Variants in CHMP4A observed in about 807,000 individuals in gnomAD.
The protein encoded by CHMP4A is SNF7 homolog associated with Alix-2.
In CHMP4A, 29 loss-of-function variants were observed where a neutral mutation model predicts 28.2. The ratio of observed to expected loss-of-function variants is 1.03; its 90% CI spans 0.77 to 1.40. The LOEUF is 1.40. Ranked by LOEUF, CHMP4A falls within the 40% of genes most tolerant of loss-of-function variation. CHMP4A has a pLI of 0.00. For missense variants in CHMP4A, 241 were observed against 263.5 expected (o/e 0.91, Z 0.59); for synonymous variants, 88 against 99.3 (o/e 0.89, Z 0.67).
Position 24,210,412 on chromosome 14 carries a change from G to A in CHMP4A, c.546C>T (p.Asp182=), listed in dbSNP as rs970670997. The change falls in exon 5 of 6, where the codon GAC becomes GAT. Residue 182 remains aspartate (D), a synonymous_variant. Transcript: ENST00000347519. ...ATTTGACTGAGGGTTCTTCTTCCTT[G>A]TCGCCCACATTTAACAACTCCTGGG... is the stretch of plus-strand genomic sequence containing the variant. ...ELAQELLNVG[D]KEEEPSVKLP... The A allele has an allele frequency of 1.2e-6, 2 of 1,613,966 alleles. No individual in the cohort carries two copies. The highest frequency in any genetic ancestry group is 2.7e-5 in the African/African-American group (2 of 74,886).
At chr14:24,212,649 G>GAACCCA (rs2039604558) in intron 1 of CHMP4A, 1 of 357,398 alleles carries the variant, frequency 2.8e-6, no homozygotes. Context: ...CCGCCTCCTG[G>GAACCCA]GTTCAAGCGA....
At chr14:24,212,377 G>A (rs1214825875) in intron 1 of CHMP4A, among the ~76,000 whole-genome samples, 1 of 151,778 alleles carries the variant, frequency 6.6e-6, no homozygotes, top group African/African-American at 2.4e-5. Context: ...TTACAGGCAT[G>A]AGCCACCGCG....
intron 3 of CHMP4A, chr14:24,211,163 G>T (rs1038508952): frequency 4.4e-6 from 2 of 451,328 alleles, no homozygotes; most frequent in African/African-American, 3.9e-5. Flanking sequence ...CAGCCTGGGC[G>T]ACAGAGCAAG....
intron 3 of CHMP4A, 22 bp downstream of exon 3, chr14:24,211,393 C>T (rs900347922): frequency 6.3e-7 from 1 of 1,582,990 alleles, no homozygotes; most frequent in Non-Finnish European, 8.6e-7. Context: ...TGGGTCCCCT[C>T]CACCCCTCCC....
chr14:24,213,316 C>T, intron 1 of CHMP4A, 93 bp downstream of exon 1: 2 of 1,391,744 alleles, frequency 1.4e-6, no homozygotes, highest in Non-Finnish European at 9.4e-7. Flanking sequence ...TCTTCCCCTG[C>T]CCGGCGCAGC....
rs371924940 is a variant in CHMP4A, at chr14:24,213,394, C to T, written c.31+15G>A. 7 of 1,587,302 alleles carry T rather than the reference C, an allele frequency of 4.4e-6. No individual in the cohort carries two copies. The African/African-American group carries it at 8.1e-5, about 18-fold the overall frequency. On this transcript the variant is annotated intron_variant, in intron 1 of 5. Coordinates refer to ENST00000347519, the MANE Select transcript of CHMP4A (RefSeq NM_014169.5). The stretch of plus-strand genomic sequence containing the variant: ...AGCCAGCGCCTCCTGGCTGGCCAGT[C>T]CCACCCTGGCTCACCCTTCCCGAAG...
chr14:24,212,385 G>A (rs1008379549), intron 1 of CHMP4A, among the ~76,000 whole-genome samples: 18 of 151,842 alleles, frequency 1.2e-4, no homozygotes, highest in Non-Finnish European at 2.2e-4. Flanking sequence ...ATGAGCCACC[G>A]CGCCAGGACT....
In CHMP4A at chr14:24,211,407, G is replaced by A. The variant is rs377515704; in HGVS notation, c.359+8C>T. 130 of 1,589,222 alleles carry A rather than the reference G, an allele frequency of 8.2e-5. No homozygotes were observed. Among genetic ancestry groups the A allele is most frequent in the South Asian group, 2.1e-4 (19 of 90,052 alleles). On this transcript the variant is annotated splice_region_variant and intron_variant, in intron 3 of 5. Coordinates refer to ENST00000347519, the MANE Select transcript of CHMP4A (RefSeq NM_014169.5). ...CTGGGTCCCCTCCACCCCTCCCCCC[G>A]TACCCACATGTCCTGGTAGGCCTTC... is the stretch of plus-strand genomic sequence containing the variant.
chr14:24,209,995 C>T lies in CHMP4A; in HGVS notation c.611-60G>A, dbSNP rs2039576524. Reference sequence around the variant, plus strand: ...AGAAGCAGTAAGGTCTCAGCAACTCCAACCATCCCCTGCTATGACATTCAG... The same window carrying T: ...AGAAGCAGTAAGGTCTCAGCAACTCTAACCATCCCCTGCTATGACATTCAG... On this transcript the variant is annotated intron_variant, in intron 5 of 5. Transcript: ENST00000347519. The T allele has an allele frequency of 1.3e-5, 18 of 1,418,452 alleles. 1 individual carries two copies. In the South Asian group the frequency reaches 2.0e-4, roughly 15 times the overall value. 87.9% of individuals were successfully genotyped at this position (1,418,452 alleles called of 1,614,324 possible). A position where few individuals can be genotyped will look rare whatever the true frequency, so the allele number is the denominator to read the frequency against.
In CHMP4A at chr14:24,211,491, T is replaced by A; in HGVS notation, c.283A>T (p.Asn95Tyr). ...TLEFQREAIENATTNAEVLRT... is the reference protein window; with the variant it reads ...TLEFQREAIEYATTNAEVLRT... ...AGGACTTCTGCATTGGTAGTGGCAT[T>A]CTCAATGGCCTCACGCTGAAACTCC... Residue 95 changes from asparagine to tyrosine, a missense_variant, in exon 3 of 6, where the codon AAT becomes TAT. Asn to Tyr is a moderately radical substitution (Grantham distance 143, BLOSUM62 -2). Transcript: ENST00000347519. 1 of 1,614,106 alleles carries A rather than the reference T, an allele frequency of 6.2e-7. No homozygotes were observed. Among genetic ancestry groups the A allele is most frequent in the South Asian group, 1.1e-5 (1 of 91,078 alleles).
At position 24,210,685 on chromosome 14, in the gene CHMP4A, C is replaced by A. The variant is rs151089933; in HGVS notation, c.443G>T (p.Arg148Leu). Residue 148 changes from arginine (R) to leucine (L), a missense_variant, in exon 4 of 6, where the codon CGG (arginine) becomes CTG (leucine). Transcript: ENST00000347519. ...CACATCATCTCCAAAGCCCATAGGC[C>A]GAGAAATGGCATCTGAGATCTGCTG... is the stretch of plus-strand genomic sequence containing the variant. Reference protein sequence around the residue: ...VAQQISDAISRPMGFGDDVDE... With the variant: ...VAQQISDAISLPMGFGDDVDE... The A allele has an allele frequency of 6.2e-7, 1 of 1,613,916 alleles. No individual in the cohort carries two copies. Among genetic ancestry groups the A allele is most frequent in the Non-Finnish European group, 8.5e-7 (1 of 1,179,944 alleles).
At position 24,213,276 on chromosome 14, in the gene CHMP4A, G is replaced by A. The variant is rs2039613827; in HGVS notation, c.31+133C>T. The A allele has an allele frequency of 2.6e-6, 3 of 1,132,908 alleles. No individual in the cohort carries two copies. In the Admixed American group the frequency reaches 1.0e-4, roughly 39 times the overall value. 70.2% of individuals were successfully genotyped at this position (1,132,908 alleles called of 1,614,324 possible). ...AGCCTTGCTCCGCCATCGGCCGCCG[G>A]GGTTTTCCAGTCAGCCTGTCTCCTG... On this transcript the variant is annotated intron_variant, in intron 1 of 5. Coordinates refer to ENST00000347519, the MANE Select transcript of CHMP4A (RefSeq NM_014169.5).
At chr14:24,210,214 G>A in intron 5 of CHMP4A, 134 bp downstream of exon 5, 1 of 1,272,996 alleles carries the variant, frequency 7.9e-7, no homozygotes, top group Non-Finnish European at 1.1e-6. Flanking sequence ...CCTATATGCA[G>A]TCAACAACCT....
intron 1 of CHMP4A, chr14:24,212,156 T>C (rs1472540208): frequency 4.8e-6 from 1 of 207,054 alleles, no homozygotes; most frequent in East Asian, 1.3e-4. Context: ...CGCAATGGCG[T>C]GATCTCAGCT....
chr14:24,210,296 A>T, intron 5 of CHMP4A, 52 bp downstream of exon 5: 1 of 1,586,266 alleles, frequency 6.3e-7, no homozygotes, highest in East Asian at 2.2e-5. Context: ...ATCTTTCCCC[A>T]TATCTCTCCC....
chr14:24,213,215 C>T, intron 1 of CHMP4A, 194 bp downstream of exon 1: 1 of 588,644 alleles, frequency 1.7e-6, no homozygotes, highest in South Asian at 2.7e-5. Flanking sequence ...GGGAACAAGG[C>T]GCCCCGACAT....
Position 24,212,991 on chromosome 14 carries a change from C to G in CHMP4A, c.31+418G>C. On this transcript the variant is annotated intron_variant, in intron 1 of 5. Transcript: ENST00000347519. ...TTGCGAGTACAGGCGTGAGCCCCCGCGCCGGGCTAAGAAGGCAGTCTTTCT... is the reference window on the plus strand; with the variant it reads ...TTGCGAGTACAGGCGTGAGCCCCCGGGCCGGGCTAAGAAGGCAGTCTTTCT... The G allele has an allele frequency of 1.7e-5, 3 of 172,194 alleles. No homozygotes were observed. The South Asian group carries it at 3.7e-4, about 21-fold the overall frequency. 10.7% of individuals were successfully genotyped at this position (172,194 alleles called of 1,614,324 possible).
At chr14:24,209,961 A>G (rs1313146824) in intron 5 of CHMP4A, 26 bp from the exon 6 acceptor site, 1 of 1,609,342 alleles carries the variant, frequency 6.2e-7, no homozygotes, top group Non-Finnish European at 8.5e-7. Context: ...TACCCAGAGA[A>G]AAGAAAGGAG....
In CHMP4A at chr14:24,211,607, AC is replaced by A. The variant is rs1332926629; in HGVS notation, c.182-16del. 6.2e-7 allele frequency: 1 copy of A among 1,610,830 alleles called. No individual in the cohort carries two copies. The highest frequency in any genetic ancestry group is 2.2e-5 in the East Asian group (1 of 44,794). ...CTGTAGGGCAGCTGACCCAGCCCAT[AC>A]CCTGAACATCAAGAGTCAGAAGCAC... On this transcript the variant is annotated splice_polypyrimidine_tract_variant and intron_variant, in intron 2 of 5. Transcript: ENST00000347519.
Sources: gnomAD v4.1 joint callset for allele counts (sites outside exome capture counted in the v4.1 genomes callset) on GRCh38, gnomAD v4.1.1 for gene constraint, MANE v1.5 for transcripts, NCBI Gene and HGNC (gene_info 2026-07-23, HGNC 2026-07-21) for gene names.